THYN1: variants seen among roughly 807,000 people sequenced by gnomAD.
THYN1 encodes thymocyte protein thy28.
In THYN1, 32 loss-of-function variants were observed where a neutral mutation model predicts 30.6. The observed-to-expected ratio is 1.05, with a 90% CI of 0.79 to 1.40. The LOEUF (loss-of-function observed/expected upper bound fraction) is 1.40. THYN1 is among the 40% of genes most tolerant of loss of function. The pLI, the probability that THYN1 is intolerant of heterozygous loss-of-function variation, is 0.00. For synonymous variants in THYN1, 107 were observed against 90.8 expected, an observed-to-expected ratio of 1.18 and a Z score of -1.01; for missense variants, 259 against 272.6, an observed-to-expected ratio of 0.95 and a Z score of 0.35.
At chr11:134,251,725 A>T (rs895344625) in intron 1 of THYN1, 1 of 157,416 alleles carries the variant, frequency 6.4e-6, no homozygotes, top group Admixed American at 6.5e-5. Context: ...GCATAATAAA[A>T]GCATTATTAT....
At position 134,253,086 on chromosome 11, in the gene THYN1, C is replaced by T; in HGVS notation, c.-204G>A. On this transcript the variant is annotated 5_prime_UTR_variant, in exon 1 of 7. Coordinates refer to ENST00000341541, the MANE Select transcript of THYN1 (RefSeq NM_014174.3). ...TCCGTTATCTGCGCCATTTCCATCTCGCATAACCTGCCCCTAAACTCTTCT... is the reference window on the plus strand; with the variant it reads ...TCCGTTATCTGCGCCATTTCCATCTTGCATAACCTGCCCCTAAACTCTTCT... The T allele has an allele frequency of 7.2e-7, 1 of 1,389,016 alleles. No homozygotes were observed. Among genetic ancestry groups the T allele is most frequent in the Non-Finnish European group, 9.3e-7 (1 of 1,077,988 alleles). 86.0% of individuals were successfully genotyped at this position (1,389,016 alleles called of 1,614,324 possible).
At chr11:134,251,098 T>A in intron 2 of THYN1, 32 bp downstream of exon 2, 1 of 1,568,534 alleles carries the variant, frequency 6.4e-7, no homozygotes, top group Non-Finnish European at 8.6e-7. Context: ...AAAAACACCA[T>A]GAAGGGACTG....
In THYN1 at chr11:134,251,208, G is replaced by A; in HGVS notation, c.144C>T (p.Asn48=). The A allele has an allele frequency of 1.9e-6, 3 of 1,614,202 alleles. No individual in the cohort carries two copies. The highest frequency in any genetic ancestry group is 2.5e-6 in the Non-Finnish European group (3 of 1,180,036). ...SNPQKTSATK[N]CLKNLSSHWL... is the part of the protein sequence containing the mutation. ...AGTGGCTGCTTAGATTCTTCAAACA[G>A]TTTTTAGTGGCTGAAGTCTTCTGAG... Residue 48 remains asparagine, a synonymous_variant, in exon 2 of 7, where the codon AAC becomes AAT. Transcript: ENST00000341541.
Position 134,249,871 on chromosome 11 carries a change from T to C in THYN1, c.341A>G (p.Tyr114Cys). ...GCCTGGCTCTTTGCAGTTGCTATGGTAGAAGAAGGCTTCTTCTCCCAGCTT... is the reference window on the plus strand; with the variant it reads ...GCCTGGCTCTTTGCAGTTGCTATGGCAGAAGAAGGCTTCTTCTCCCAGCTT... ...AMKLGEEAFF[Y>C]HSNCKEPGIA... The change falls in exon 4 of 7, where the codon TAC (tyrosine) becomes TGC (cysteine). Residue 114 changes from tyrosine (Y) to cysteine (C), a missense_variant. Transcript: ENST00000341541. The C allele has an allele frequency of 6.2e-7, 1 of 1,614,144 alleles. No individual in the cohort carries two copies. The highest frequency in any genetic ancestry group is 8.5e-7 in the Non-Finnish European group (1 of 1,180,000).
Position 134,253,334 on chromosome 11 carries a change from G to C in THYN1, c.-452C>G, listed in dbSNP as rs1167159995. 3.6e-6 allele frequency: 5 copies of C among 1,403,468 alleles called. No homozygotes were observed. In the African/African-American group the frequency reaches 7.3e-5, roughly 20 times the overall value. The allele number at this position is 1,403,468 out of a possible 1,614,324, so 86.9% of individuals were successfully genotyped here. A position where few individuals can be genotyped will look rare whatever the true frequency, so the allele number is the denominator to read the frequency against. Reference sequence around the variant, plus strand: ...GCAGACTCGACTGCGGTCCGCCTCCGCTGCGCCGCAGGCTGTGCAGCGCGA... The same window carrying C: ...GCAGACTCGACTGCGGTCCGCCTCCCCTGCGCCGCAGGCTGTGCAGCGCGA... On this transcript the variant is annotated 5_prime_UTR_variant, in exon 1 of 7. Coordinates refer to ENST00000341541, the MANE Select transcript of THYN1 (RefSeq NM_014174.3).
chr11:134,250,354 G>C lies in THYN1; in HGVS notation c.223-11C>G, dbSNP rs1443221819. On this transcript the variant is annotated splice_polypyrimidine_tract_variant and intron_variant, in intron 2 of 6. Transcript: ENST00000341541. ...ATCCTCAATGCTGAACTAGGCAAGA[G>C]GAAATAAATTCAATCATTAAACAAT... is the stretch of plus-strand genomic sequence containing the variant. The C allele has an allele frequency of 6.2e-7, 1 of 1,614,056 alleles. No homozygotes were observed. Among genetic ancestry groups the C allele is most frequent in the South Asian group, 1.1e-5 (1 of 91,076 alleles).
chr11:134,252,655 G>C (rs539716361), intron 1 of THYN1, among the ~76,000 whole-genome samples, 185 bp downstream of exon 1: 1 of 152,254 alleles, frequency 6.6e-6, no homozygotes, highest in East Asian at 1.9e-4. Context: ...GAATAAACAA[G>C]AAAAAGGAAC....
chr11:134,251,392 A>G (rs1363629250), intron 1 of THYN1, 84 bp from the exon 2 acceptor site: 23 of 1,438,024 alleles, frequency 1.6e-5, no homozygotes, highest in Non-Finnish European at 2.2e-5. Flanking sequence ...TTGGAGTCAG[A>G]CCTGGATTCA....
At chr11:134,251,969 C>T (rs1939088157) in intron 1 of THYN1, 1 of 152,152 alleles carries the variant, frequency 6.6e-6, no homozygotes, top group Non-Finnish European at 1.5e-5. Context: ...TATGTGTTAC[C>T]CTAACCCTAA....
At chr11:134,252,723 G>A (rs956735608) in intron 1 of THYN1, 117 bp downstream of exon 1, 1 of 1,143,102 alleles carries the variant, frequency 8.7e-7, no homozygotes, top group Non-Finnish European at 1.3e-6. Context: ...AAGGATAATG[G>A]AGTAAAAATA....
Position 134,253,265 on chromosome 11 carries a change from A to G in THYN1, c.-383T>C. On this transcript the variant is annotated 5_prime_UTR_variant, in exon 1 of 7. Coordinates refer to ENST00000341541, the MANE Select transcript of THYN1 (RefSeq NM_014174.3). ...CTAATTAGGATCAACTGAATGGATA[A>G]TCTAGATGATGAAGTAATTTGCTGG... is the stretch of plus-strand genomic sequence containing the variant. 1 of 1,341,728 alleles carries G rather than the reference A, an allele frequency of 7.5e-7. No homozygotes were observed. The highest frequency in any genetic ancestry group is 9.6e-7 in the Non-Finnish European group (1 of 1,046,688). The allele number at this position is 1,341,728 out of a possible 1,614,324, so 83.1% of individuals were successfully genotyped here.
intron 3 of THYN1, 127 bp downstream of exon 3, chr11:134,250,148 C>A: frequency 9.2e-7 from 1 of 1,085,212 alleles, no homozygotes; most frequent in Non-Finnish European, 1.4e-6. Flanking sequence ...TTTTTTAATA[C>A]ATTATCAGGT....
intron 1 of THYN1, among the ~76,000 whole-genome samples, chr11:134,252,218 A>T (rs1469938448): frequency 1.3e-5 from 2 of 152,134 alleles, no homozygotes; most frequent in African/African-American, 2.4e-5. Context: ...TTCCTAACCT[A>T]GTTTCCTAAT....
chr11:134,250,879 G>GA (rs1472639496), intron 2 of THYN1, among the ~76,000 whole-genome samples: 1 of 152,198 alleles, frequency 6.6e-6, no homozygotes, highest in Non-Finnish European at 1.5e-5. Flanking sequence ...GGTTGCAACA[G>GA]AGACTGTAAC....
intron 3 of THYN1, 82 bp from the exon 4 acceptor site, chr11:134,250,002 A>G (rs1938976241): frequency 2.9e-6 from 4 of 1,366,082 alleles, no homozygotes; most frequent in South Asian, 2.6e-5. Context: ...TCTGCTTTTA[A>G]TAGATGGGTG....
chr11:134,251,303 C>T lies in THYN1; in HGVS notation c.49G>A (p.Gly17Arg), dbSNP rs1374354203. 2 of 1,609,292 alleles carry T rather than the reference C, an allele frequency of 1.2e-6. No homozygotes were observed. The highest frequency in any genetic ancestry group is 2.7e-5 in the African/African-American group (2 of 74,564). The change falls in exon 2 of 7, where the codon GGA (glycine) becomes AGA (arginine). Residue 17 changes from glycine to arginine, a missense_variant. Gly to Arg is a moderately radical substitution (Grantham distance 125). Transcript: ENST00000341541. ...RLAGTSGSDK[G>R]LSGKRTKTEN... The stretch of plus-strand genomic sequence containing the variant: ...GTTTTGGTGCGTTTTCCTGATAGTC[C>T]CTTGTCTGCAATAGGAGAAGCAAAA...
In THYN1 at chr11:134,251,271, G is replaced by T; in HGVS notation, c.81C>A (p.Asn27Lys). The T allele has an allele frequency of 6.2e-7, 1 of 1,613,802 alleles. No individual in the cohort carries two copies. The highest frequency in any genetic ancestry group is 1.1e-5 in the South Asian group (1 of 91,002). ...GLSGKRTKTE[N>K]SGEALAKVED... ...CCACTTTAGCTAATGCCTCACCTGA[G>T]TTCTCAGTTTTGGTGCGTTTTCCTG... Residue 27 changes from asparagine (N) to lysine (K), a missense_variant, in exon 2 of 7, where the codon AAC becomes AAA. Physicochemically the swap from Asn to Lys is moderately conservative, Grantham distance 94. Coordinates refer to ENST00000341541, the MANE Select transcript of THYN1 (RefSeq NM_014174.3).
At chr11:134,251,004 A>G in intron 2 of THYN1, 126 bp downstream of exon 2, 1 of 1,128,684 alleles carries the variant, frequency 8.9e-7, no homozygotes, top group Non-Finnish European at 1.2e-6. Flanking sequence ...TGCCGATTTT[A>G]TTCATTTTTA....
chr11:134,250,003 T>C, intron 3 of THYN1, 83 bp from the exon 4 acceptor site: 1 of 1,360,390 alleles, frequency 7.4e-7, no homozygotes, highest in East Asian at 2.3e-5. Flanking sequence ...CTGCTTTTAA[T>C]AGATGGGTGA....
Sources: gnomAD v4.1 joint callset for allele counts (sites outside exome capture counted in the v4.1 genomes callset) on GRCh38, gnomAD v4.1.1 for gene constraint, MANE v1.5 for transcripts, NCBI Gene and HGNC (gene_info 2026-07-23, HGNC 2026-07-21) for gene names.